Variants in LSAMP observed in about 807,000 individuals in gnomAD.
The protein encoded by LSAMP is limbic system-associated membrane protein.
A neutral mutation model predicts 38.6 loss-of-function variants in LSAMP; 7 were observed. The observed-to-expected ratio is 0.18, with a 90% CI of 0.10 to 0.34. The LOEUF is 0.34. LSAMP is among the 10% of genes least tolerant of loss of function. The pLI is 1.00. For synonymous variants in LSAMP, 154 were observed against 166.8 expected, an observed-to-expected ratio of 0.92 and a Z score of 0.59; for missense variants, 313 against 420.0, an observed-to-expected ratio of 0.75 and a Z score of 2.23.
intron 2 of LSAMP, among the ~76,000 whole-genome samples, chr3:116,085,619 A>G (rs1370627180): frequency 6.6e-6 from 1 of 152,190 alleles, no homozygotes. Flanking sequence ...TCATTCTGCA[A>G]TTATGGCGAA....
At chr3:116,113,564 T>C (rs1241439057) in intron 1 of LSAMP, among the ~76,000 whole-genome samples, 3 of 148,882 alleles carry the variant, frequency 2.0e-5, no homozygotes, top group African/African-American at 7.4e-5. Context: ...TAGCTGGGAC[T>C]ACAGGCGCCC....
intron 1 of LSAMP, among the ~76,000 whole-genome samples, chr3:116,201,613 A>G (rs1237907754): frequency 6.6e-6 from 1 of 152,108 alleles, no homozygotes; most frequent in African/African-American, 2.4e-5. Flanking sequence ...GACACCCTGC[A>G]TTACTTCTGT....
intron 1 of LSAMP, among the ~76,000 whole-genome samples, chr3:116,172,050 C>T (rs1710212905): frequency 6.6e-6 from 1 of 151,784 alleles, no homozygotes; most frequent in East Asian, 1.9e-4. Flanking sequence ...ATGTAACCAC[C>T]AACACTATAA....
chr3:116,198,740 C>CAA (rs2045946550), intron 1 of LSAMP, among the ~76,000 whole-genome samples: 1 of 136,718 alleles, frequency 7.3e-6, no homozygotes, highest in Non-Finnish European at 1.5e-5. Flanking sequence ...CACTGCACTT[C>CAA]AGCCTGGGCG....
chr3:116,272,326 A>G (rs1226407761), intron 1 of LSAMP, among the ~76,000 whole-genome samples: 1 of 152,132 alleles, frequency 6.6e-6, no homozygotes, highest in Admixed American at 6.6e-5. Context: ...CAACAAAACA[A>G]CTATAACACC....
At chr3:116,384,702 T>C (rs2048603511) in intron 1 of LSAMP, among the ~76,000 whole-genome samples, 1 of 152,074 alleles carries the variant, frequency 6.6e-6, no homozygotes, top group African/African-American at 2.4e-5. Flanking sequence ...AAAGGTAGCT[T>C]TGAGGAGGTG....
intron 3 of LSAMP, among the ~76,000 whole-genome samples, chr3:115,895,377 T>C (rs1214869241): frequency 6.6e-6 from 1 of 152,048 alleles, no homozygotes; most frequent in Non-Finnish European, 1.5e-5. Context: ...AGTTGACTCC[T>C]AGCAAGTTTT....
At chr3:116,363,862 C>T (rs1480932254) in intron 1 of LSAMP, among the ~76,000 whole-genome samples, 2 of 132,724 alleles carry the variant, frequency 1.5e-5, no homozygotes, top group Non-Finnish European at 3.2e-5. Flanking sequence ...GGACGTATTT[C>T]AAAATAATAA....
At chr3:115,826,366 A>G (rs1312580259) in intron 6 of LSAMP, among the ~76,000 whole-genome samples, 1 of 151,868 alleles carries the variant, frequency 6.6e-6, no homozygotes, top group Non-Finnish European at 1.5e-5. Flanking sequence ...TCAGCCTCCC[A>G]AAGTGCTGGG....
At chr3:115,814,917 A>G (rs926181752) in intron 6 of LSAMP, among the ~76,000 whole-genome samples, 19 of 152,194 alleles carry the variant, frequency 1.2e-4, no homozygotes, top group African/African-American at 4.6e-4. Context: ...GCATGTTGGT[A>G]TCCTGGGAAG....
At position 116,172,547 on chromosome 3, in the gene LSAMP, C is replaced by A. The variant is rs375360706; in HGVS notation, c.156-85991G>T. On this transcript the variant is annotated intron_variant, in intron 1 of 6. Coordinates refer to ENST00000490035, the MANE Select transcript of LSAMP (RefSeq NM_002338.5). ...ATAAAAAATGCAGTAGGGACAAAGG[C>A]AACTTCAAACCTAGATTTAAGAGCA... 9.2e-5 allele frequency among the ~76,000 whole-genome samples: 14 copies of A among 152,022 alleles called. No individual in the cohort carries two copies. In the South Asian group the frequency reaches 2.9e-3, roughly 32 times the overall value.
intron 1 of LSAMP, among the ~76,000 whole-genome samples, chr3:116,264,602 TTTTG>T (rs749809980): frequency 2.6e-4 from 39 of 152,214 alleles, no homozygotes; most frequent in Admixed American, 4.6e-4. Flanking sequence ...TTTTGTGGGT[TTTTG>T]TTTGTTTGTT....
At chr3:116,350,705 A>G (rs2048127411) in intron 1 of LSAMP, among the ~76,000 whole-genome samples, 2 of 152,008 alleles carry the variant, frequency 1.3e-5, no homozygotes, top group Non-Finnish European at 2.9e-5. Flanking sequence ...AAGAGAAGCC[A>G]TAAAGTGTTT....
intron 2 of LSAMP, among the ~76,000 whole-genome samples, chr3:116,078,277 CTTTATTTA>C (rs34346607): frequency 0.013 from 1,961 of 150,160 alleles, 31 homozygotes; most frequent in African/African-American, 0.044. Flanking sequence ...TTTATATCCT[CTTTATTTA>C]TTTATTTATT....
At chr3:116,123,411 G>T (rs535234316) in intron 1 of LSAMP, among the ~76,000 whole-genome samples, 1 of 152,272 alleles carries the variant, frequency 6.6e-6, no homozygotes, top group African/African-American at 2.4e-5. Flanking sequence ...TGAAAAAAAT[G>T]GCAACAAAAG....
chr3:116,001,473 A>C (rs1221051239), intron 3 of LSAMP, among the ~76,000 whole-genome samples: 1 of 152,208 alleles, frequency 6.6e-6, no homozygotes, highest in Non-Finnish European at 1.5e-5. Context: ...TGCTTGTGTT[A>C]GTTTGTTATT....
chr3:116,399,967 A>G (rs2048817207), intron 1 of LSAMP, among the ~76,000 whole-genome samples: 1 of 152,238 alleles, frequency 6.6e-6, no homozygotes, highest in African/African-American at 2.4e-5. Flanking sequence ...AGAAAATCAA[A>G]GAAAAGTTGC....
chr3:116,019,068 T>C (rs1287712852), intron 3 of LSAMP, among the ~76,000 whole-genome samples: 1 of 149,096 alleles, frequency 6.7e-6, no homozygotes, highest in Non-Finnish European at 1.5e-5. Context: ...AGACAAAATA[T>C]TGCCCCAAGA....
intron 1 of LSAMP, among the ~76,000 whole-genome samples, chr3:116,433,317 G>C (rs1053755918): frequency 3.3e-5 from 5 of 152,094 alleles, no homozygotes; most frequent in African/African-American, 1.2e-4. Context: ...ATTAATTTTA[G>C]ACAAATTATA....
Sources: allele counts gnomAD v4.1 joint callset (sites outside exome capture counted in the v4.1 genomes callset), GRCh38; gene constraint gnomAD v4.1.1; transcripts MANE v1.5; gene names NCBI Gene and HGNC (gene_info 2026-07-23, HGNC 2026-07-21).